Variants in RFTN1 observed in about 807,000 individuals in gnomAD.
The protein encoded by RFTN1 is raftlin.
Under a neutral mutation model 46.5 loss-of-function variants are expected in RFTN1, and 26 were observed. The ratio of observed to expected loss-of-function variants is 0.56; its 90% CI spans 0.41 to 0.78. RFTN1 has a LOEUF of 0.78. Among genes scored for constraint, RFTN1 ranks in the 30% least tolerant of loss-of-function variants. The probability of loss-of-function intolerance (pLI) is 0.00; values close to 1 mark genes in which losing one functional copy is unlikely to be tolerated. For missense variants in RFTN1, 693 were observed against 718.7 expected, an observed-to-expected ratio of 0.96 and a Z score of 0.41; for synonymous variants, 261 against 284.2, an observed-to-expected ratio of 0.92 and a Z score of 0.82.
intron 2 of RFTN1, among the ~76,000 whole-genome samples, chr3:16,486,437 C>A (rs1470092383): frequency 6.6e-6 from 1 of 152,178 alleles, no homozygotes; most frequent in Non-Finnish European, 1.5e-5. Context: ...CCCCAAAGAA[C>A]ATGCTCCAAC....
chr3:16,433,812 C>T lies in RFTN1; in HGVS notation c.332+39G>A, dbSNP rs374854502. 147 of 1,604,872 alleles carry T rather than the reference C, an allele frequency of 9.2e-5. No homozygotes were observed. In the African/African-American group the frequency reaches 1.6e-3, roughly 17 times the overall value. ...CCTCCTCTATTGAGCATAACTTAGCCGCAACAGGATGCTACCCATTCACCC... is the reference window on the plus strand; with the variant it reads ...CCTCCTCTATTGAGCATAACTTAGCTGCAACAGGATGCTACCCATTCACCC... On this transcript the variant is annotated intron_variant, in intron 3 of 9. Coordinates refer to ENST00000334133, the MANE Select transcript of RFTN1 (RefSeq NM_015150.2). This position sits in a 1 kb window ranked among gnomAD's most constrained non-coding sequence, Gnocchi z 4.4.
Position 16,352,921 on chromosome 3 carries a change from G to T in RFTN1, c.1146+5011C>A, listed in dbSNP as rs547067551. The stretch of plus-strand genomic sequence containing the variant: ...CTGGAATCTCCGCTGTCTTGCCAAC[G>T]TGCTGCACTGTCCGCACACTACATT... On this transcript the variant is annotated intron_variant, in intron 7 of 9. Coordinates refer to ENST00000334133, the MANE Select transcript of RFTN1 (RefSeq NM_015150.2). The surrounding 1 kb of genome is among the most constrained non-coding windows in gnomAD (Gnocchi z 4.6). Among the ~76,000 whole-genome samples, 6 of 152,160 alleles carry T rather than the reference G, an allele frequency of 3.9e-5. No individual in the cohort carries two copies. Among genetic ancestry groups the T allele is most frequent in the Non-Finnish European group, 8.8e-5 (6 of 68,038 alleles).
chr3:16,497,031 C>A (rs1487115885), intron 1 of RFTN1, among the ~76,000 whole-genome samples: 1 of 152,162 alleles, frequency 6.6e-6, no homozygotes, highest in African/African-American at 2.4e-5. Flanking sequence ...AGGCAACACT[C>A]ATCTCCAGTG....
intron 5 of RFTN1, among the ~76,000 whole-genome samples, chr3:16,371,931 G>A (rs1481542812): frequency 2.6e-5 from 4 of 152,156 alleles, no homozygotes; most frequent in Non-Finnish European, 1.5e-5. Flanking sequence ...GAGGAGGTTC[G>A]TAATGGAGGG....
chr3:16,415,362 G>T (rs2075052803), intron 3 of RFTN1, among the ~76,000 whole-genome samples: 1 of 149,406 alleles, frequency 6.7e-6, no homozygotes, highest in Non-Finnish European at 1.5e-5. Flanking sequence ...TGTTGAATAT[G>T]ACATATCCAG....
intron 5 of RFTN1, among the ~76,000 whole-genome samples, chr3:16,375,254 A>G (rs1405380279): frequency 1.3e-5 from 2 of 152,122 alleles, no homozygotes; most frequent in East Asian, 3.9e-4. Flanking sequence ...TGGGCTTCCT[A>G]GGAGAAAGAT....
In RFTN1 at chr3:16,344,415, C is replaced by A. The variant is rs1339960120; in HGVS notation, c.1146+13517G>T. Among the ~76,000 whole-genome samples, 1 of 151,972 alleles carries A rather than the reference C, an allele frequency of 6.6e-6. No homozygotes were observed. ...AACAACATGTAAAAACAGATACATT[C>A]AGAAAAGGCGGCTCTGGTTGACACT... On this transcript the variant is annotated intron_variant, in intron 7 of 9. Transcript: ENST00000334133. This position sits in a 1 kb window ranked among gnomAD's most constrained non-coding sequence, Gnocchi z 4.4.
rs1191039105 is a variant in RFTN1, at chr3:16,384,331, C to G, written c.442-6229G>C. Among the ~76,000 whole-genome samples the G allele has an allele frequency of 6.6e-6, 1 of 152,198 alleles. No homozygotes were observed. Among genetic ancestry groups the G allele is most frequent in the Non-Finnish European group, 1.5e-5 (1 of 68,046 alleles). ...GGAGGTAGGGGAAAATAAGATAGCA[C>G]AGGGCAAGTTGATGGAGGTCTCTAA... On this transcript the variant is annotated intron_variant, in intron 4 of 9. Transcript: ENST00000334133. The surrounding 1 kb of genome is among the most constrained non-coding windows in gnomAD (Gnocchi z 4.7).
At chr3:16,436,263 T>A (rs950675864) in intron 2 of RFTN1, among the ~76,000 whole-genome samples, 1 of 152,092 alleles carries the variant, frequency 6.6e-6, no homozygotes, top group African/African-American at 2.4e-5. Context: ...AAGAACTCTT[T>A]ACATATTAGG....
rs759710957 is a variant in RFTN1 at position 16,345,815 on chromosome 3, TGTGC to T, written c.1146+12113_1146+12116del. On this transcript the variant is annotated intron_variant, in intron 7 of 9. Coordinates refer to ENST00000334133, the MANE Select transcript of RFTN1 (RefSeq NM_015150.2). This position sits in a 1 kb window ranked among gnomAD's most constrained non-coding sequence, Gnocchi z 5.2. ...GTGTGTGTGTGTGTGTGTGTGTGTGTGTGCGCGCGCGCGTGCGCGCACGCGCACA... is the reference window on the plus strand; with the variant it reads ...GTGTGTGTGTGTGTGTGTGTGTGTGTGCGCGCGCGTGCGCGCACGCGCACA... Among the ~76,000 whole-genome samples, 5 of 82,344 alleles carry T rather than the reference TGTGC, an allele frequency of 6.1e-5. No homozygotes were observed. The highest frequency in any genetic ancestry group is 2.2e-4 in the Admixed American group (2 of 8,970). 54.0% of individuals were successfully genotyped at this position (82,344 alleles called of 152,430 possible).
At chr3:16,464,582 G>C (rs959307132) in intron 2 of RFTN1, among the ~76,000 whole-genome samples, 2 of 152,178 alleles carry the variant, frequency 1.3e-5, no homozygotes, top group Non-Finnish European at 2.9e-5. Context: ...CTAATAATAA[G>C]AAGAAGGCAG....
At chr3:16,326,957 C>T in intron 7 of RFTN1, 81 bp from the exon 8 acceptor site, 1 of 1,037,846 alleles carries the variant, frequency 9.6e-7, no homozygotes. Flanking sequence ...TTCAGTCTGC[C>T]AATCCGCAAA....
intron 2 of RFTN1, 76 bp from the exon 3 acceptor site, chr3:16,434,113 T>A: frequency 1.2e-5 from 15 of 1,298,718 alleles, no homozygotes; most frequent in Non-Finnish European, 1.5e-5. Context: ...CCCTCTTCCC[T>A]TGCCCTCGGG....
chr3:16,415,432 C>CACACACACACACACATATAT (rs2075059312), intron 3 of RFTN1, among the ~76,000 whole-genome samples: 3 of 96,100 alleles, frequency 3.1e-5, no homozygotes, highest in Admixed American at 1.1e-4. Flanking sequence ...TATATATATA[C>CACACACACACACACATATAT]ACACACACAC....
At chr3:16,488,100 CTTTT>C (rs11328637) in intron 2 of RFTN1, among the ~76,000 whole-genome samples, 2 of 125,720 alleles carry the variant, frequency 1.6e-5, no homozygotes, top group African/African-American at 2.9e-5. Context: ...GTGATCCTGA[CTTTT>C]TTTTTTTTTT....
At position 16,348,980 on chromosome 3, in the gene RFTN1, G is replaced by T. The variant is rs1380894908; in HGVS notation, c.1146+8952C>A. Reference sequence around the variant, plus strand: ...AAAAGAGGTAAAAGAGGGACAGACAGCCATCCCAGGCTCCACTATCCAAGG... The same window carrying T: ...AAAAGAGGTAAAAGAGGGACAGACATCCATCCCAGGCTCCACTATCCAAGG... On this transcript the variant is annotated intron_variant, in intron 7 of 9. Transcript: ENST00000334133. The surrounding 1 kb of genome is among the most constrained non-coding windows in gnomAD (Gnocchi z 6.3). Among the ~76,000 whole-genome samples, 2 of 152,200 alleles carry T rather than the reference G, an allele frequency of 1.3e-5. No homozygotes were observed. Among genetic ancestry groups the T allele is most frequent in the South Asian group, 2.1e-4 (1 of 4,830 alleles).
intron 6 of RFTN1, among the ~76,000 whole-genome samples, chr3:16,358,607 T>C (rs2072620188): frequency 6.6e-6 from 1 of 152,088 alleles, no homozygotes; most frequent in Non-Finnish European, 1.5e-5. Flanking sequence ...TCCCAAATAA[T>C]TTACCACTGG....
At chr3:16,502,642 T>C (rs1575382558) in intron 1 of RFTN1, among the ~76,000 whole-genome samples, 1 of 152,356 alleles carries the variant, frequency 6.6e-6, no homozygotes. Context: ...AGCTGCCATG[T>C]TGTGAGGACA....
Position 16,513,091 on chromosome 3 carries a change from C to G in RFTN1, c.-9+351G>C, listed in dbSNP as rs1037570723. 1 of 152,752 alleles carries G rather than the reference C, an allele frequency of 6.5e-6. No individual in the cohort carries two copies. The highest frequency in any genetic ancestry group is 1.5e-5 in the Non-Finnish European group (1 of 68,498). The allele number at this position is 152,752 out of a possible 1,614,324, so 9.5% of individuals were successfully genotyped here. On this transcript the variant is annotated intron_variant, in intron 1 of 9. Transcript: ENST00000334133. This position sits in a 1 kb window ranked among gnomAD's most constrained non-coding sequence, Gnocchi z 5.4. ...CCCACCTGTAGCCTCCAAGCTCCCC[C>G]ACCTCTGCGTCCTTCCTAGGCGCTT...
Sources: gnomAD v4.1 joint callset for allele counts (sites outside exome capture counted in the v4.1 genomes callset) on GRCh38, gnomAD v4.1.1 for gene constraint, Gnocchi (gnomAD v3.1) non-coding constraint, MANE v1.5 for transcripts, NCBI Gene and HGNC (gene_info 2026-07-23, HGNC 2026-07-21) for gene names.